Variants in SNTG1 observed in about 807,000 individuals in gnomAD.
SNTG1 encodes syntrophin gamma 1, also known as gamma-1-syntrophin.
A neutral mutation model predicts 74.7 loss-of-function variants in SNTG1; 39 were observed. The observed-to-expected ratio is 0.52, with a 90% CI of 0.40 to 0.68. SNTG1 has a LOEUF of 0.68. SNTG1 is among the 30% of genes least tolerant of loss of function. The pLI, the probability that SNTG1 is intolerant of heterozygous loss-of-function variation, is 0.00. For synonymous variants in SNTG1, 254 were observed against 217.1 expected (o/e 1.17, Z -1.49); for missense variants, 685 against 609.5 (o/e 1.12, Z -1.30).
At chr8:49,980,856 C>A (rs1812615002) in intron 1 of SNTG1, among the ~76,000 whole-genome samples, 1 of 152,150 alleles carries the variant, frequency 6.6e-6, no homozygotes, top group African/African-American at 2.4e-5. Flanking sequence ...CATTCACAGA[C>A]TGTACACTTT....
intron 2 of SNTG1, among the ~76,000 whole-genome samples, chr8:50,317,249 G>C (rs1310988859): frequency 1.3e-5 from 2 of 152,146 alleles, no homozygotes; most frequent in Non-Finnish European, 2.9e-5. Context: ...TTGCAAGCTG[G>C]CATGTAGGTG....
chr8:50,499,313 T>A (rs1252849030), intron 8 of SNTG1, among the ~76,000 whole-genome samples: 1 of 151,832 alleles, frequency 6.6e-6, no homozygotes, highest in Non-Finnish European at 1.5e-5. Flanking sequence ...GATTTTATAG[T>A]TTTTTTAAAC....
At chr8:50,158,229 T>C (rs1167772936) in intron 1 of SNTG1, among the ~76,000 whole-genome samples, 1 of 152,178 alleles carries the variant, frequency 6.6e-6, no homozygotes. Context: ...TATTTTAATG[T>C]CACATGGCTG....
chr8:50,436,984 A>T lies in SNTG1; in HGVS notation c.163-1559A>T, dbSNP rs185903535. Among the ~76,000 whole-genome samples, 148 of 152,180 alleles carry T rather than the reference A, an allele frequency of 9.7e-4. No homozygotes were observed. In the Middle Eastern group the frequency reaches 0.014, roughly 14 times the overall value. On this transcript the variant is annotated intron_variant, in intron 4 of 18. Transcript: ENST00000642720. ...ACAGTATGCTGAAAAATAAAAACAG[A>T]CTTTGTGGTAGTATTTAATACAAAT... is the stretch of plus-strand genomic sequence containing the variant.
At chr8:49,939,149 C>G (rs1468336825) in intron 1 of SNTG1, among the ~76,000 whole-genome samples, 1 of 151,972 alleles carries the variant, frequency 6.6e-6, no homozygotes, top group Non-Finnish European at 1.5e-5. Flanking sequence ...TTTATACTTA[C>G]TCTTTCCACT....
Position 50,561,433 on chromosome 8 carries a change from G to GA in SNTG1, c.810+8260dup, listed in dbSNP as rs575409502. Among the ~76,000 whole-genome samples, 834 of 152,142 alleles carry GA rather than the reference G, an allele frequency of 5.5e-3. 7 individuals carry two copies. The highest frequency in any genetic ancestry group is 0.019 in the African/African-American group (775 of 41,516). ...ATGTATTTTAAAAACCAGAAAAAAGGAAAAAATACAGTGCAAACCATAAAA... is the reference window on the plus strand; with the variant it reads ...ATGTATTTTAAAAACCAGAAAAAAGGAAAAAAATACAGTGCAAACCATAAAA... On this transcript the variant is annotated intron_variant, in intron 12 of 18. Coordinates refer to ENST00000642720, the MANE Select transcript of SNTG1 (RefSeq NM_018967.5).
chr8:50,558,256 A>AG (rs1310670838), intron 12 of SNTG1, among the ~76,000 whole-genome samples: 1 of 152,150 alleles, frequency 6.6e-6, no homozygotes, highest in Admixed American at 6.5e-5. Context: ...CTGCATGGCC[A>AG]GGGGGGCCTT....
At chr8:50,369,395 G>A (rs748689986) in intron 2 of SNTG1, among the ~76,000 whole-genome samples, 3 of 152,096 alleles carry the variant, frequency 2.0e-5, no homozygotes, top group Non-Finnish European at 4.4e-5. Context: ...TTGAGAGTTC[G>A]AGACGAGCCT....
At chr8:50,144,681 G>A (rs1310839724) in intron 1 of SNTG1, among the ~76,000 whole-genome samples, 1 of 152,194 alleles carries the variant, frequency 6.6e-6, no homozygotes, top group East Asian at 1.9e-4. Flanking sequence ...GCAGGGACCA[G>A]CAGGTAAGAA....
intron 8 of SNTG1, among the ~76,000 whole-genome samples, chr8:50,493,288 C>T (rs2093874865): frequency 6.6e-6 from 1 of 152,112 alleles, no homozygotes; most frequent in Admixed American, 6.6e-5. Flanking sequence ...GATCATCCAA[C>T]CAAAAACAAA....
chr8:50,723,589 T>C (rs2131597841), intron 17 of SNTG1, among the ~76,000 whole-genome samples: 1 of 152,264 alleles, frequency 6.6e-6, no homozygotes, highest in Middle Eastern at 3.4e-3. Context: ...TACAGGGAAA[T>C]GAAGTGATTT....
chr8:50,254,948 CT>C (rs4006072), intron 2 of SNTG1, among the ~76,000 whole-genome samples: 720 of 85,228 alleles, frequency 8.4e-3, no homozygotes, highest in East Asian at 0.036. Flanking sequence ...TTTATTGCCA[CT>C]TTTTTTTTTT....
At chr8:50,649,270 G>T (rs2095129419) in intron 13 of SNTG1, among the ~76,000 whole-genome samples, 1 of 152,014 alleles carries the variant, frequency 6.6e-6, no homozygotes, top group South Asian at 2.1e-4. Context: ...GTCCGAGGTG[G>T]GTGAATAACT....
intron 2 of SNTG1, among the ~76,000 whole-genome samples, chr8:50,228,032 A>G (rs1396734797): frequency 1.3e-5 from 2 of 151,788 alleles, no homozygotes; most frequent in African/African-American, 4.8e-5. Context: ...GATATTATCA[A>G]ATGGAGAATT....
At chr8:50,380,618 C>G (rs921532170) in intron 2 of SNTG1, among the ~76,000 whole-genome samples, 1 of 152,162 alleles carries the variant, frequency 6.6e-6, no homozygotes. Context: ...CTACTTAGCT[C>G]TCCATGGGTG....
chr8:50,733,960 A>C (rs1034663479), intron 17 of SNTG1, among the ~76,000 whole-genome samples: 1 of 151,858 alleles, frequency 6.6e-6, no homozygotes, highest in African/African-American at 2.4e-5. Context: ...ATTACTAAAA[A>C]TTCACTTATA....
chr8:50,104,620 G>C (rs1185288215), intron 1 of SNTG1, among the ~76,000 whole-genome samples: 1 of 151,978 alleles, frequency 6.6e-6, no homozygotes, highest in Non-Finnish European at 1.5e-5. Flanking sequence ...GAATGTGTTT[G>C]CTCTTGCTTT....
intron 1 of SNTG1, among the ~76,000 whole-genome samples, chr8:49,997,771 T>C (rs1408697787): frequency 6.6e-6 from 1 of 152,322 alleles, no homozygotes; most frequent in Non-Finnish European, 1.5e-5. Flanking sequence ...AGCATCTTGA[T>C]CTTGAGATCT....
intron 1 of SNTG1, among the ~76,000 whole-genome samples, chr8:49,974,902 A>T (rs1038318012): frequency 9.2e-5 from 14 of 152,186 alleles, no homozygotes; most frequent in Non-Finnish European, 2.1e-4. Context: ...AAAATTAGGC[A>T]TAATCCCTTT....
Sources: gnomAD v4.1 joint callset for allele counts (sites outside exome capture counted in the v4.1 genomes callset) on GRCh38, gnomAD v4.1.1 for gene constraint, MANE v1.5 for transcripts, NCBI Gene and HGNC (gene_info 2026-07-23, HGNC 2026-07-21) for gene names.